FBXL7: variants seen among roughly 807,000 people sequenced by gnomAD.
The protein encoded by FBXL7 is F-box and leucine rich repeat protein 7.
Under a neutral mutation model 38.3 loss-of-function variants are expected in FBXL7, and 12 were observed. The observed-to-expected ratio is 0.31, with a 90% CI of 0.20 to 0.51. The LOEUF (loss-of-function observed/expected upper bound fraction) is 0.51. Among genes scored for constraint, FBXL7 ranks in the 20% least tolerant of loss-of-function variants. FBXL7 has a pLI of 0.98. For synonymous variants in FBXL7, 297 were observed against 300.9 expected, an observed-to-expected ratio of 0.99 and a Z score of 0.13; for missense variants, 567 against 676.4, an observed-to-expected ratio of 0.84 and a Z score of 1.79.
chr5:15,720,811 ATAT>A (rs147406915), intron 2 of FBXL7, among the ~76,000 whole-genome samples: 90,823 of 136,850 alleles, frequency 0.66, 31,378 homozygotes, highest in East Asian at 0.79. Flanking sequence ...TTAGAGTATA[ATAT>A]TATTATTATA....
Position 15,738,645 on chromosome 5 carries a change from C to T in FBXL7, c.127+122573C>T, listed in dbSNP as rs566119049. On this transcript the variant is annotated intron_variant, in intron 2 of 3. Coordinates refer to ENST00000504595, the MANE Select transcript of FBXL7 (RefSeq NM_012304.5). ...GCTTACTTTCTCTAAAAGAGCAAAG[C>T]GAACACCCATGGCATCATATCTGTG... 9.2e-5 allele frequency among the ~76,000 whole-genome samples: 14 copies of T among 152,290 alleles called. No individual in the cohort carries two copies. In the South Asian group the frequency reaches 2.7e-3, roughly 29 times the overall value.
At chr5:15,753,148 G>A (rs1736198264) in intron 2 of FBXL7, among the ~76,000 whole-genome samples, 1 of 152,048 alleles carries the variant, frequency 6.6e-6, no homozygotes, top group East Asian at 1.9e-4. Flanking sequence ...TGGACAGTCT[G>A]CCAGACACAC....
intron 1 of FBXL7, chr5:15,580,800 C>T: frequency 2.0e-6 from 2 of 985,416 alleles, no homozygotes; most frequent in South Asian, 9.4e-5. Context: ...CATGGTCTAT[C>T]TCAGTTGCCC....
At chr5:15,806,783 T>C (rs1737723609) in intron 2 of FBXL7, among the ~76,000 whole-genome samples, 1 of 152,142 alleles carries the variant, frequency 6.6e-6, no homozygotes, top group African/African-American at 2.4e-5. Flanking sequence ...GTACCTCTTC[T>C]CTAAGGAATG....
intron 2 of FBXL7, among the ~76,000 whole-genome samples, chr5:15,895,343 C>CT: frequency 6.6e-6 from 1 of 152,088 alleles, no homozygotes; most frequent in East Asian, 1.9e-4. Context: ...GCTATTTAAA[C>CT]TTTTTTTAAT....
At chr5:15,882,889 A>G (rs1740516613) in intron 2 of FBXL7, among the ~76,000 whole-genome samples, 1 of 150,618 alleles carries the variant, frequency 6.6e-6, no homozygotes, top group African/African-American at 2.5e-5. Flanking sequence ...CTTCATGTTG[A>G]AAATAATATA....
At chr5:15,743,302 A>G (rs1228153648) in intron 2 of FBXL7, among the ~76,000 whole-genome samples, 1 of 152,224 alleles carries the variant, frequency 6.6e-6, no homozygotes, top group Non-Finnish European at 1.5e-5. Flanking sequence ...TCCTAGATAC[A>G]ATAGGGGTGC....
chr5:15,644,961 A>G (rs550912863), intron 2 of FBXL7, among the ~76,000 whole-genome samples: 1 of 151,924 alleles, frequency 6.6e-6, no homozygotes, highest in East Asian at 1.9e-4. Context: ...CTTTATATTC[A>G]CCTTGTCCCC....
chr5:15,828,555 C>T (rs753949708), intron 2 of FBXL7, among the ~76,000 whole-genome samples: 3 of 152,248 alleles, frequency 2.0e-5, no homozygotes, highest in Non-Finnish European at 2.9e-5. Context: ...CAGCTGGGAG[C>T]CTTCTCTATT....
At chr5:15,893,275 A>T (rs1579580114) in intron 2 of FBXL7, among the ~76,000 whole-genome samples, 1 of 152,324 alleles carries the variant, frequency 6.6e-6, no homozygotes, top group East Asian at 1.9e-4. Flanking sequence ...ACACGGACAG[A>T]TACTGTTTAT....
At chr5:15,782,977 C>G (rs549973487) in intron 2 of FBXL7, among the ~76,000 whole-genome samples, 36 of 152,148 alleles carry the variant, frequency 2.4e-4, no homozygotes, top group African/African-American at 7.5e-4. Flanking sequence ...TATAAAGTGA[C>G]ACCAAACAGC....
intron 2 of FBXL7, among the ~76,000 whole-genome samples, chr5:15,895,860 G>A (rs1422572504): frequency 1.3e-5 from 2 of 151,522 alleles, no homozygotes; most frequent in Non-Finnish European, 2.9e-5. Flanking sequence ...TAGCCAGGAT[G>A]GTCTCAATCT....
chr5:15,849,396 T>C (rs1246689553), intron 2 of FBXL7, among the ~76,000 whole-genome samples: 2 of 152,208 alleles, frequency 1.3e-5, no homozygotes, highest in Non-Finnish European at 2.9e-5. Context: ...CCAAATCTCA[T>C]CTTGAATTTT....
In FBXL7 at chr5:15,754,624, A is replaced by G. The variant is rs189786217; in HGVS notation, c.127+138552A>G. ...ATTGCTACCATTAATGTAGCTTTTTATACCAATGAGAAAACTGTACTATTC... is the reference window on the plus strand; with the variant it reads ...ATTGCTACCATTAATGTAGCTTTTTGTACCAATGAGAAAACTGTACTATTC... On this transcript the variant is annotated intron_variant, in intron 2 of 3. Transcript: ENST00000504595. 1.4e-3 allele frequency among the ~76,000 whole-genome samples: 209 copies of G among 152,348 alleles called. 1 individual carries two copies. The highest frequency in any genetic ancestry group is 2.5e-3 in the Non-Finnish European group (170 of 68,036).
At chr5:15,545,382 T>G (rs1383402600) in intron 1 of FBXL7, among the ~76,000 whole-genome samples, 3 of 152,224 alleles carry the variant, frequency 2.0e-5, no homozygotes, top group Non-Finnish European at 4.4e-5. Context: ...TTAGGAGCAA[T>G]GGAGTAATGA....
At chr5:15,591,858 G>C (rs534926995) in intron 1 of FBXL7, among the ~76,000 whole-genome samples, 2 of 152,020 alleles carry the variant, frequency 1.3e-5, no homozygotes, top group African/African-American at 2.4e-5. Flanking sequence ...CTACAGGCAC[G>C]CACCACCACA....
At chr5:15,624,083 A>G (rs1740732389) in intron 2 of FBXL7, among the ~76,000 whole-genome samples, 1 of 152,180 alleles carries the variant, frequency 6.6e-6, no homozygotes, top group Non-Finnish European at 1.5e-5. Context: ...GTGTTTTCCA[A>G]TTTCAACTCA....
chr5:15,660,804 G>C (rs999198967), intron 2 of FBXL7, among the ~76,000 whole-genome samples: 2 of 152,200 alleles, frequency 1.3e-5, no homozygotes, highest in African/African-American at 4.8e-5. Context: ...ACATAGCCAA[G>C]GTGGGCTGTT....
intron 2 of FBXL7, among the ~76,000 whole-genome samples, chr5:15,683,305 A>G: frequency 6.6e-6 from 1 of 152,174 alleles, no homozygotes. Flanking sequence ...CTCTTGGGTC[A>G]TGTGGCTTTA....
Sources: allele counts gnomAD v4.1 joint callset (sites outside exome capture counted in the v4.1 genomes callset), GRCh38; gene constraint gnomAD v4.1.1; transcripts MANE v1.5; gene names NCBI Gene and HGNC (gene_info 2026-07-23, HGNC 2026-07-21).